The following ARHGAP18 variants were observed in gnomAD, a reference collection of about 807,000 sequenced individuals.
ARHGAP18 encodes the protein rho GTPase-activating protein 18.
In ARHGAP18, 67 loss-of-function variants were observed where a neutral mutation model predicts 86.2. The observed-to-expected ratio is 0.78, with a 90% CI of 0.64 to 0.95. ARHGAP18 has a LOEUF of 0.95. ARHGAP18 is among the 40% of genes least tolerant of loss of function. The pLI is 0.00. For synonymous variants in ARHGAP18, 283 were observed against 280.4 expected (o/e 1.01, Z -0.09); for missense variants, 691 against 780.4 (o/e 0.89, Z 1.37).
chr6:129,602,704 A>G (rs749273840), intron 10 of ARHGAP18, among the ~76,000 whole-genome samples: 1 of 152,198 alleles, frequency 6.6e-6, no homozygotes, highest in Non-Finnish European at 1.5e-5. Context: ...AATGAGGACA[A>G]AAGATTAATT....
chr6:129,584,172 A>G (rs1584020606), intron 12 of ARHGAP18, 60 bp from the exon 13 acceptor site: 1 of 1,604,718 alleles, frequency 6.2e-7, no homozygotes, highest in African/African-American at 1.3e-5. Flanking sequence ...GTAACTCTAC[A>G]ATGCATTATA....
At chr6:129,644,230 C>A (rs1773532114) in intron 1 of ARHGAP18, among the ~76,000 whole-genome samples, 1 of 152,150 alleles carries the variant, frequency 6.6e-6, no homozygotes, top group East Asian at 1.9e-4. Flanking sequence ...CCTTCCCTGG[C>A]CTCAATCGTC....
chr6:129,631,713 A>T (rs1386212868), intron 4 of ARHGAP18, among the ~76,000 whole-genome samples: 3 of 152,044 alleles, frequency 2.0e-5, no homozygotes, highest in Non-Finnish European at 4.4e-5. Context: ...GAAATGCCTT[A>T]AAAAATTTTT....
At chr6:129,679,920 G>A (rs1388576076) in intron 1 of ARHGAP18, among the ~76,000 whole-genome samples, 1 of 152,216 alleles carries the variant, frequency 6.6e-6, no homozygotes, top group Non-Finnish European at 1.5e-5. Context: ...TAGGGATCCA[G>A]TCCTTGCCTC....
chr6:129,702,914 T>G (rs1303641650), intron 1 of ARHGAP18, among the ~76,000 whole-genome samples: 1 of 151,970 alleles, frequency 6.6e-6, no homozygotes, highest in African/African-American at 2.4e-5. Flanking sequence ...GCAGGAGAAT[T>G]GCTTCAACCC....
intron 1 of ARHGAP18, among the ~76,000 whole-genome samples, chr6:129,694,004 A>G (rs1208644781): frequency 6.6e-6 from 1 of 152,202 alleles, no homozygotes; most frequent in Non-Finnish European, 1.5e-5. Context: ...CATTGTAGTA[A>G]ATAGCATCTT....
In ARHGAP18 at chr6:129,581,494, T is replaced by G. The variant is rs6916392; in HGVS notation, c.1839-1363A>C. ...AGTCCCTATTTCTGTGAAAACCAAATTGAATGTTTCAGGAGACTTGATTTA... is the reference window on the plus strand; with the variant it reads ...AGTCCCTATTTCTGTGAAAACCAAAGTGAATGTTTCAGGAGACTTGATTTA... On this transcript the variant is annotated intron_variant, in intron 13 of 14. Coordinates refer to ENST00000368149, the MANE Select transcript of ARHGAP18 (RefSeq NM_033515.3). Among the ~76,000 whole-genome samples, 938 of 152,280 alleles carry G rather than the reference T, an allele frequency of 6.2e-3. 10 individuals carry two copies. The highest frequency in any genetic ancestry group is 0.022 in the African/African-American group (899 of 41,540).
At chr6:129,603,368 A>C (rs1584037411) in intron 10 of ARHGAP18, among the ~76,000 whole-genome samples, 2 of 151,868 alleles carry the variant, frequency 1.3e-5, no homozygotes, top group Admixed American at 6.6e-5. Context: ...GTATGTGTGT[A>C]TGTGTGTGTG....
chr6:129,626,188 T>C (rs1427068166), intron 5 of ARHGAP18, among the ~76,000 whole-genome samples: 2 of 148,788 alleles, frequency 1.3e-5, no homozygotes, highest in Non-Finnish European at 3.0e-5. Context: ...ATCTGTACAA[T>C]GGAGTACAAT....
intron 11 of ARHGAP18, 145 bp from the exon 12 acceptor site, chr6:129,599,501 T>C (rs1788692420): frequency 1.4e-6 from 1 of 703,468 alleles, no homozygotes. Context: ...GCACTATTCA[T>C]TAAATCTGTG....
At chr6:129,678,935 T>C (rs1477135463) in intron 1 of ARHGAP18, among the ~76,000 whole-genome samples, 1 of 152,220 alleles carries the variant, frequency 6.6e-6, no homozygotes, top group Admixed American at 6.5e-5. Context: ...AAAACTACTT[T>C]CAGATGATAG....
intron 12 of ARHGAP18, among the ~76,000 whole-genome samples, chr6:129,588,642 A>G (rs965178193): frequency 1.3e-5 from 2 of 152,190 alleles, no homozygotes; most frequent in African/African-American, 4.8e-5. Flanking sequence ...TGGGGTCTGA[A>G]GGACAATGGC....
intron 10 of ARHGAP18, among the ~76,000 whole-genome samples, chr6:129,602,356 G>T (rs1788764266): frequency 1.3e-5 from 2 of 151,968 alleles, no homozygotes; most frequent in Admixed American, 1.3e-4. Flanking sequence ...AGGTCTATCT[G>T]GCTTTTGTTT....
intron 1 of ARHGAP18, among the ~76,000 whole-genome samples, chr6:129,668,099 A>G (rs1774075079): frequency 6.6e-6 from 1 of 152,224 alleles, no homozygotes; most frequent in Admixed American, 6.5e-5. Context: ...AAAGTTCCCT[A>G]GTCAGCTACC....
At chr6:129,626,225 AT>A (rs1789469144) in intron 5 of ARHGAP18, among the ~76,000 whole-genome samples, 1 of 151,142 alleles carries the variant, frequency 6.6e-6, no homozygotes, top group South Asian at 2.1e-4. Flanking sequence ...AGTGAGAAAT[AT>A]TTCTCTATAC....
intron 12 of ARHGAP18, among the ~76,000 whole-genome samples, chr6:129,597,902 TC>T (rs749779070): frequency 9.2e-5 from 14 of 152,100 alleles, no homozygotes; most frequent in East Asian, 3.8e-4. Flanking sequence ...TGCTTTTTTT[TC>T]CATAAATGAC....
intron 4 of ARHGAP18, 78 bp downstream of exon 4, chr6:129,633,964 A>T (rs1404131257): frequency 3.2e-6 from 4 of 1,236,916 alleles, no homozygotes; most frequent in Non-Finnish European, 4.5e-6. Context: ...AATTGAAGGT[A>T]ATGTTTTATA....
chr6:129,702,531 A>G (rs1257901688), intron 1 of ARHGAP18, among the ~76,000 whole-genome samples: 1 of 152,244 alleles, frequency 6.6e-6, no homozygotes, highest in African/African-American at 2.4e-5. Flanking sequence ...GGGCACCTAC[A>G]GCAGGGTTCA....
rs148110251 is a variant in ARHGAP18 at position 129,684,384 on chromosome 6, T to C, written c.113+25640A>G. Among the ~76,000 whole-genome samples, 611 of 152,264 alleles carry C rather than the reference T, an allele frequency of 4.0e-3. 1 individual carries two copies. The highest frequency in any genetic ancestry group is 6.0e-3 in the Non-Finnish European group (409 of 68,012). On this transcript the variant is annotated intron_variant, in intron 1 of 14. Transcript: ENST00000368149. ...CCTAGGAATGTGCATGGGAAAAAAA[T>C]ACTGAGGCAAAATAAAATTCAATTG...
Sources: allele counts gnomAD v4.1 joint callset (sites outside exome capture counted in the v4.1 genomes callset), GRCh38; gene constraint gnomAD v4.1.1; transcripts MANE v1.5; gene names NCBI Gene and HGNC (gene_info 2026-07-23, HGNC 2026-07-21).